Variants in CEP135 observed in about 807,000 individuals in gnomAD.
CEP135 encodes centrosomal protein 135.
Under a neutral mutation model 157.3 loss-of-function variants are expected in CEP135, and 142 were observed. The ratio of observed to expected loss-of-function variants is 0.90; its 90% CI spans 0.79 to 1.04. The LOEUF is 1.04. CEP135 is among the 50% of genes least tolerant of loss of function. The pLI is 0.00. For missense variants in CEP135, 1,317 were observed against 1,309.2 expected (o/e 1.01, Z -0.09); for synonymous variants, 396 against 439.8 (o/e 0.90, Z 1.25).
At chr4:55,976,377 A>G (rs978375984) in intron 11 of CEP135, among the ~76,000 whole-genome samples, 1 of 152,228 alleles carries the variant, frequency 6.6e-6, no homozygotes, top group Non-Finnish European at 1.5e-5. Flanking sequence ...AAGTGACTGA[A>G]TTGATCATTT....
rs1479972517 is a variant in CEP135 at position 55,981,290 on chromosome 4, G to T, written c.1690G>T (p.Val564Phe). ...STQTTAPHNIVSLMEKEKELA... is the reference protein window; with the variant it reads ...STQTTAPHNIFSLMEKEKELA... ...CCAAACCACAGCACCCCATAATATT[G>T]TTAGTCTTATGGAAAAGGAAAAAGA... Residue 564 changes from valine (V) to phenylalanine (F), a missense_variant, in exon 13 of 26, where the codon GTT (valine) becomes TTT (phenylalanine). Val to Phe is a conservative substitution (Grantham distance 50). Coordinates refer to ENST00000257287, the MANE Select transcript of CEP135 (RefSeq NM_025009.5). 6.3e-7 allele frequency: 1 copy of T among 1,597,098 alleles called. No homozygotes were observed. Among genetic ancestry groups the T allele is most frequent in the Admixed American group, 1.8e-5 (1 of 56,702 alleles).
At chr4:55,987,585 T>C (rs1433118266) in intron 14 of CEP135, among the ~76,000 whole-genome samples, 3 of 152,218 alleles carry the variant, frequency 2.0e-5, no homozygotes, top group Non-Finnish European at 4.4e-5. Flanking sequence ...CGGTCATCAT[T>C]GCCTGGTGCC....
chr4:55,982,180 T>G (rs1042944344), intron 13 of CEP135, among the ~76,000 whole-genome samples: 7 of 152,186 alleles, frequency 4.6e-5, no homozygotes, highest in Non-Finnish European at 1.0e-4. Context: ...GCTCTGGATA[T>G]TTCATATAAA....
intron 18 of CEP135, among the ~76,000 whole-genome samples, chr4:56,008,808 A>T (rs1034636203): frequency 3.3e-5 from 5 of 152,190 alleles, no homozygotes; most frequent in Admixed American, 2.6e-4. Context: ...GTCACTTATT[A>T]TATTTATTTT....
At chr4:55,989,348 T>C (rs751155041) in intron 14 of CEP135, among the ~76,000 whole-genome samples, 3 of 152,354 alleles carry the variant, frequency 2.0e-5, no homozygotes, top group Non-Finnish European at 2.9e-5. Flanking sequence ...ATTATTTTAA[T>C]TTTCATAACA....
At position 55,985,330 on chromosome 4, in the gene CEP135, T is replaced by C. The variant is rs529449547; in HGVS notation, c.1829T>C (p.Ile610Thr). Residue 610 changes from isoleucine (I) to threonine (T), a missense_variant, in exon 14 of 26, where the codon ATT (isoleucine) becomes ACT (threonine). Physicochemically the swap from Ile to Thr is moderately conservative, Grantham distance 89. Coordinates refer to ENST00000257287, the MANE Select transcript of CEP135 (RefSeq NM_025009.5). ...LFGKSELEKT[I>T]EHLTCVNHQL... is the part of the protein sequence containing the mutation. ...GGAAAATCAGAATTAGAGAAAACTA[T>C]TGAACATTTGACATGTGTTAATCAT... 6.3e-7 allele frequency: 1 copy of C among 1,595,090 alleles called. No homozygotes were observed. The highest frequency in any genetic ancestry group is 1.1e-5 in the South Asian group (1 of 90,074).
intron 8 of CEP135, 133 bp downstream of exon 8, chr4:55,965,992 G>A: frequency 1.4e-6 from 1 of 696,290 alleles, no homozygotes; most frequent in Admixed American, 2.9e-5. Context: ...TTTTGCTTTG[G>A]TAATTCAGGG....
chr4:56,011,432 A>C lies in CEP135; in HGVS notation c.2526A>C (p.Glu842Asp), dbSNP rs1469770658. The C allele has an allele frequency of 6.2e-7, 1 of 1,610,922 alleles. No homozygotes were observed. Among genetic ancestry groups the C allele is most frequent in the African/African-American group, 1.3e-5 (1 of 74,754 alleles). ...TGTAGGAAATCTCATTGGAATTGGA[A>C]GCAGCAGTGCAAGAAAAAGAAGAAA... ...RENQEISLEL[E>D]AAVQEKEEMK... Residue 842 changes from glutamate to aspartate, a missense_variant, in exon 20 of 26, where the codon GAA becomes GAC. Glu to Asp is a conservative substitution (Grantham distance 45, BLOSUM62 2). Coordinates refer to ENST00000257287, the MANE Select transcript of CEP135 (RefSeq NM_025009.5).
intron 11 of CEP135, among the ~76,000 whole-genome samples, chr4:55,979,363 T>C (rs1254135318): frequency 6.6e-6 from 1 of 152,206 alleles, no homozygotes; most frequent in Non-Finnish European, 1.5e-5. Flanking sequence ...TGTACTAAAT[T>C]GTAGGCATCT....
intron 19 of CEP135, 25 bp downstream of exon 19, chr4:56,009,928 G>C (rs775330782): frequency 6.2e-7 from 1 of 1,602,234 alleles, no homozygotes; most frequent in Middle Eastern, 1.7e-4. Context: ...CATAAATTTT[G>C]ATAGTTTTAT....
intron 14 of CEP135, among the ~76,000 whole-genome samples, chr4:55,987,768 A>G (rs978344292): frequency 6.6e-6 from 1 of 152,246 alleles, no homozygotes; most frequent in Non-Finnish European, 1.5e-5. Flanking sequence ...AAAGAAACAA[A>G]GAAATAAGAA....
Position 55,985,313 on chromosome 4 carries a change from A to G in CEP135, c.1812A>G (p.Ser604=). The G allele has an allele frequency of 6.3e-7, 1 of 1,593,264 alleles. No individual in the cohort carries two copies. The highest frequency in any genetic ancestry group is 8.6e-7 in the Non-Finnish European group (1 of 1,162,546). ...HIEEVSLFGK[S]ELEKTIEHLT... ...AAGAAGTGAGTCTTTTTGGAAAATC[A>G]GAATTAGAGAAAACTATTGAACATT... is the stretch of plus-strand genomic sequence containing the variant. Residue 604 remains serine (S), a synonymous_variant, in exon 14 of 26, where the codon TCA becomes TCG. Coordinates refer to ENST00000257287, the MANE Select transcript of CEP135 (RefSeq NM_025009.5).
intron 1 of CEP135, among the ~76,000 whole-genome samples, chr4:55,951,091 C>T (rs1384440225): frequency 2.0e-5 from 3 of 152,180 alleles, no homozygotes; most frequent in Non-Finnish European, 4.4e-5. Context: ...TGATGTGTAT[C>T]AGTAGTTCCT....
intron 24 of CEP135, among the ~76,000 whole-genome samples, chr4:56,021,832 C>T (rs892258879): frequency 1.3e-5 from 2 of 152,106 alleles, no homozygotes; most frequent in Admixed American, 1.3e-4. Flanking sequence ...TTGAAATCAG[C>T]GTGAGCAACA....
Position 56,020,797 on chromosome 4 carries a change from T to G in CEP135, c.3320+17T>G, listed in dbSNP as rs1730950229. 5.7e-6 allele frequency: 9 copies of G among 1,586,294 alleles called. No homozygotes were observed. The highest frequency in any genetic ancestry group is 7.8e-6 in the Non-Finnish European group (9 of 1,157,102). On this transcript the variant is annotated intron_variant, in intron 24 of 25. Coordinates refer to ENST00000257287, the MANE Select transcript of CEP135 (RefSeq NM_025009.5). The stretch of plus-strand genomic sequence containing the variant: ...ATACGAACGGTAAGACAAATTTTTT[T>G]TACATTTGACAATGTTTTTATGTGT...
At chr4:56,011,763 T>C (rs1315825299) in intron 20 of CEP135, 37 bp from the exon 21 acceptor site, 47 of 1,507,754 alleles carry the variant, frequency 3.1e-5, no homozygotes, top group Non-Finnish European at 4.1e-5. Flanking sequence ...AAGTGACAAT[T>C]ACTAATTTAG....
intron 25 of CEP135, among the ~76,000 whole-genome samples, chr4:56,024,854 C>T (rs1478292570): frequency 6.7e-6 from 1 of 149,432 alleles, no homozygotes; most frequent in Non-Finnish European, 1.5e-5. Context: ...GATGGGGTCT[C>T]GGCCAGACAC....
At chr4:55,976,284 G>A (rs948813105) in intron 11 of CEP135, among the ~76,000 whole-genome samples, 3 of 151,566 alleles carry the variant, frequency 2.0e-5, no homozygotes, top group Admixed American at 1.3e-4. Flanking sequence ...ATGAATTGGT[G>A]GGAAAATGCA....
At chr4:55,976,276 G>A (rs993582538) in intron 11 of CEP135, among the ~76,000 whole-genome samples, 1 of 151,368 alleles carries the variant, frequency 6.6e-6, no homozygotes, top group African/African-American at 2.4e-5. Flanking sequence ...GAAAAAGAAT[G>A]AATTGGTGGG....
Sources: gnomAD v4.1 joint callset for allele counts (sites outside exome capture counted in the v4.1 genomes callset) on GRCh38, gnomAD v4.1.1 for gene constraint, MANE v1.5 for transcripts, NCBI Gene and HGNC (gene_info 2026-07-23, HGNC 2026-07-21) for gene names.